Variants in XRCC4 observed in about 807,000 individuals in gnomAD.
XRCC4 encodes the protein DNA repair protein XRCC4.
In XRCC4, 28 loss-of-function variants were observed where a neutral mutation model predicts 39.1. That is an observed-to-expected ratio of 0.72 (90% CI 0.53 to 0.98). XRCC4 has a LOEUF of 0.98. Among genes scored for constraint, XRCC4 ranks in the 50% least tolerant of loss-of-function variants. XRCC4 has a pLI of 0.00. For missense variants in XRCC4, 350 were observed against 376.4 expected (o/e 0.93, Z 0.58); for synonymous variants, 123 against 126.4 (o/e 0.97, Z 0.18).
At chr5:83,316,383 CT>C (rs966925042) in intron 7 of XRCC4, among the ~76,000 whole-genome samples, 1 of 151,854 alleles carries the variant, frequency 6.6e-6, no homozygotes, top group Admixed American at 6.6e-5. Flanking sequence ...GGACAAAATT[CT>C]GCAATTAAAA....
chr5:83,331,079 C>T (rs544563218), intron 7 of XRCC4, among the ~76,000 whole-genome samples: 1 of 152,128 alleles, frequency 6.6e-6, no homozygotes, highest in Non-Finnish European at 1.5e-5. Context: ...ATGCTGTGTG[C>T]CCTCCTGGTG....
intron 7 of XRCC4, among the ~76,000 whole-genome samples, chr5:83,340,675 A>G (rs372970261): frequency 5.3e-5 from 8 of 151,630 alleles, no homozygotes; most frequent in Admixed American, 2.0e-4. Context: ...CCAGAGAAGT[A>G]TACAGCTCTG....
At chr5:83,312,281 T>C (rs1231650540) in intron 7 of XRCC4, among the ~76,000 whole-genome samples, 1 of 152,190 alleles carries the variant, frequency 6.6e-6, no homozygotes, top group Non-Finnish European at 1.5e-5. Context: ...GTTTCTACAG[T>C]AGCAAAAATC....
intron 3 of XRCC4, among the ~76,000 whole-genome samples, chr5:83,140,638 A>G (rs950658391): frequency 3.9e-5 from 6 of 152,252 alleles, no homozygotes; most frequent in Non-Finnish European, 8.8e-5. Context: ...AGAATTGCTA[A>G]TGAATATCCC....
rs140151459 is a variant in XRCC4 at position 83,349,538 on chromosome 5, G to T, written c.894-3593G>T. On this transcript the variant is annotated intron_variant, in intron 7 of 7. Coordinates refer to ENST00000396027, the MANE Select transcript of XRCC4 (RefSeq NM_003401.5). ...GTTATGACTAGGCACTATGAACAGGGGTCAAAATCTATTTCTTAAGCCCCT... is the reference window on the plus strand; with the variant it reads ...GTTATGACTAGGCACTATGAACAGGTGTCAAAATCTATTTCTTAAGCCCCT... Among the ~76,000 whole-genome samples, 668 of 152,122 alleles carry T rather than the reference G, an allele frequency of 4.4e-3. 2 individuals carry two copies. The highest frequency in any genetic ancestry group is 0.015 in the African/African-American group (625 of 41,482).
chr5:83,097,363 T>C (rs1388791612), intron 1 of XRCC4, among the ~76,000 whole-genome samples: 1 of 146,312 alleles, frequency 6.8e-6, no homozygotes, highest in Non-Finnish European at 1.5e-5. Flanking sequence ...TTTTTTTTTT[T>C]CCTCAGACTA....
intron 7 of XRCC4, among the ~76,000 whole-genome samples, chr5:83,315,292 C>T (rs571063595): frequency 1.3e-5 from 2 of 152,088 alleles, no homozygotes; most frequent in South Asian, 2.1e-4. Flanking sequence ...GGAAGCTAGC[C>T]GAGATTGGTT....
At chr5:83,185,915 TAAC>T (rs1205209910) in intron 3 of XRCC4, among the ~76,000 whole-genome samples, 1 of 152,060 alleles carries the variant, frequency 6.6e-6, no homozygotes, top group African/African-American at 2.4e-5. Flanking sequence ...TTTTTAGACT[TAAC>T]AACTTTAAAA....
At chr5:83,301,036 A>T (rs1367213985) in intron 7 of XRCC4, among the ~76,000 whole-genome samples, 1 of 152,222 alleles carries the variant, frequency 6.6e-6, no homozygotes, top group East Asian at 1.9e-4. Flanking sequence ...TGCTGCAATA[A>T]ACATATGTGT....
chr5:83,257,409 T>C (rs1753582906), intron 6 of XRCC4, among the ~76,000 whole-genome samples: 1 of 150,514 alleles, frequency 6.6e-6, no homozygotes, highest in South Asian at 2.1e-4. Flanking sequence ...AAGAAGACAT[T>C]TATGCGGTCA....
chr5:83,303,839 T>A (rs1286787703), intron 7 of XRCC4, among the ~76,000 whole-genome samples: 2 of 152,096 alleles, frequency 1.3e-5, no homozygotes, highest in Non-Finnish European at 2.9e-5. Context: ...ACAAATATTA[T>A]TATAGAAAAC....
At chr5:83,116,100 C>T (rs1288047684) in intron 3 of XRCC4, among the ~76,000 whole-genome samples, 1 of 152,122 alleles carries the variant, frequency 6.6e-6, no homozygotes, top group Non-Finnish European at 1.5e-5. Flanking sequence ...AAAAAATCTG[C>T]AGACAATGGG....
intron 7 of XRCC4, among the ~76,000 whole-genome samples, chr5:83,283,190 G>A (rs1228148089): frequency 2.0e-5 from 3 of 152,174 alleles, no homozygotes; most frequent in South Asian, 4.1e-4. Context: ...GCTATGAAAT[G>A]TTTCCTACTA....
At chr5:83,310,223 T>C (rs1355257572) in intron 7 of XRCC4, among the ~76,000 whole-genome samples, 1 of 152,128 alleles carries the variant, frequency 6.6e-6, no homozygotes, top group Non-Finnish European at 1.5e-5. Context: ...GGTCACTGCA[T>C]TAATGGGAGA....
At chr5:83,121,196 G>T (rs1746992943) in intron 3 of XRCC4, among the ~76,000 whole-genome samples, 1 of 152,108 alleles carries the variant, frequency 6.6e-6, no homozygotes, top group African/African-American at 2.4e-5. Context: ...TCACCAGTTG[G>T]TGGACATTTG....
At chr5:83,350,328 G>A (rs1048081690) in intron 7 of XRCC4, among the ~76,000 whole-genome samples, 1 of 152,240 alleles carries the variant, frequency 6.6e-6, no homozygotes, top group South Asian at 2.1e-4. Flanking sequence ...TAAGTCCTTT[G>A]ACAAATCTCC....
At chr5:83,078,838 ACTCTCCAC>A (rs1264226862) in intron 1 of XRCC4, among the ~76,000 whole-genome samples, 1 of 152,026 alleles carries the variant, frequency 6.6e-6, no homozygotes, top group Non-Finnish European at 1.5e-5. Flanking sequence ...AAGATACAGT[ACTCTCCAC>A]CTAAGGATAA....
At chr5:83,207,340 AT>A (rs33931457) in intron 6 of XRCC4, among the ~76,000 whole-genome samples, 51,212 of 151,590 alleles carry the variant, frequency 0.34, 9,501 homozygotes, top group Non-Finnish European at 0.42. Flanking sequence ...ACTATTTTCA[AT>A]TTGGCAAAAT....
downstream of XRCC4, chr5:83,356,631 T>C (rs1163828010): frequency 5.6e-6 from 2 of 359,522 alleles, no homozygotes; most frequent in East Asian, 8.4e-5. Flanking sequence ...TTATATTTCT[T>C]ACCTTATATA....
Sources: gnomAD v4.1 joint callset for allele counts (sites outside exome capture counted in the v4.1 genomes callset) on GRCh38, gnomAD v4.1.1 for gene constraint, MANE v1.5 for transcripts, NCBI Gene and HGNC (gene_info 2026-07-23, HGNC 2026-07-21) for gene names.